The following RORA variants were observed in gnomAD, a reference collection of about 807,000 sequenced individuals.
RORA encodes the protein RAR related orphan receptor A, also known as nuclear receptor ROR-alpha.
A neutral mutation model predicts 69.5 loss-of-function variants in RORA; 7 were observed. The observed-to-expected ratio is 0.10, with a 90% CI of 0.06 to 0.19. RORA has a LOEUF of 0.19. RORA is among the 10% of genes least tolerant of loss of function. The pLI, the probability that RORA is intolerant of heterozygous loss-of-function variation, is 1.00. For missense variants in RORA, 457 were observed against 663.0 expected, an observed-to-expected ratio of 0.69 and a Z score of 3.41; for synonymous variants, 261 against 240.8, an observed-to-expected ratio of 1.08 and a Z score of -0.78.
At chr15:60,855,269 A>C (rs2073367042) in intron 1 of RORA, among the ~76,000 whole-genome samples, 1 of 152,214 alleles carries the variant, frequency 6.6e-6, no homozygotes, top group African/African-American at 2.4e-5. Context: ...GGAGAGACAC[A>C]GCTTAGCAGA....
chr15:61,090,055 C>G (rs2078682918), intron 1 of RORA, among the ~76,000 whole-genome samples: 1 of 152,196 alleles, frequency 6.6e-6, no homozygotes, highest in South Asian at 2.1e-4. Flanking sequence ...AGGGTTTTTG[C>G]CCAGAAGACT....
intron 2 of RORA, among the ~76,000 whole-genome samples, chr15:60,562,290 C>T (rs755410464): frequency 5.9e-5 from 9 of 152,126 alleles, no homozygotes; most frequent in South Asian, 2.1e-4. Context: ...GGCTGGAGTG[C>T]GATGGCACGA....
chr15:60,583,857 G>C (rs184048931), intron 2 of RORA, among the ~76,000 whole-genome samples: 3 of 152,086 alleles, frequency 2.0e-5, no homozygotes, highest in Non-Finnish European at 4.4e-5. Context: ...CCCTTTCCTC[G>C]TGAGTAAGAG....
chr15:60,787,821 A>T (rs1468273487), intron 1 of RORA, among the ~76,000 whole-genome samples: 1 of 152,252 alleles, frequency 6.6e-6, no homozygotes, highest in Non-Finnish European at 1.5e-5. Context: ...CAAACAAGGC[A>T]TTGAGGAAAG....
At chr15:60,723,145 T>C (rs763004910) in intron 1 of RORA, among the ~76,000 whole-genome samples, 2 of 152,244 alleles carry the variant, frequency 1.3e-5, no homozygotes, top group African/African-American at 2.4e-5. Flanking sequence ...ATTTAAATGA[T>C]ACATAGGGAC....
chr15:60,533,434 T>C (rs1409194168), intron 2 of RORA, among the ~76,000 whole-genome samples: 1 of 152,210 alleles, frequency 6.6e-6, no homozygotes, highest in African/African-American at 2.4e-5. Flanking sequence ...AAAGTTGTCA[T>C]TTGCAAGTCT....
chr15:60,651,075 G>T lies in RORA; in HGVS notation c.196+27582C>A, dbSNP rs114024558. ...TGCATATTGTCAGCGGTGGAAAGAG[G>T]AAGAAACTTTTGGAGTAGAATACTG... On this transcript the variant is annotated intron_variant, in intron 2 of 10. Transcript: ENST00000335670. Among the ~76,000 whole-genome samples the T allele has an allele frequency of 6.5e-3, 997 of 152,304 alleles. 9 individuals carry two copies. The highest frequency in any genetic ancestry group is 0.022 in the African/African-American group (912 of 41,574).
At chr15:61,043,447 AC>A (rs1253476387) in intron 1 of RORA, among the ~76,000 whole-genome samples, 1 of 152,232 alleles carries the variant, frequency 6.6e-6, no homozygotes, top group African/African-American at 2.4e-5. Context: ...TAAAAACATA[AC>A]CAAGAAGTGC....
intron 2 of RORA, among the ~76,000 whole-genome samples, chr15:60,577,547 G>A (rs999347043): frequency 1.3e-5 from 2 of 151,688 alleles, no homozygotes; most frequent in Admixed American, 6.6e-5. Flanking sequence ...GGGAGGCTGA[G>A]GCAGGAGAAT....
chr15:60,489,215 A>G lies in RORA; in HGVS notation c.*8240T>C, dbSNP rs1431251028. On this transcript the variant is annotated 3_prime_UTR_variant, in exon 11 of 11. Coordinates refer to ENST00000335670, the MANE Select transcript of RORA (RefSeq NM_134261.3). Reference sequence around the variant, plus strand: ...GCCAATCCACTTTAAAAGGTTAACTACTAGCATTAGCTCTCATTAACCACA... The same window carrying G: ...GCCAATCCACTTTAAAAGGTTAACTGCTAGCATTAGCTCTCATTAACCACA... The G allele has an allele frequency of 6.6e-6, 1 of 152,234 alleles. No homozygotes were observed. Among genetic ancestry groups the G allele is most frequent in the Non-Finnish European group, 1.5e-5 (1 of 68,034 alleles). 9.4% of individuals were successfully genotyped at this position (152,234 alleles called of 1,614,324 possible).
At chr15:61,176,530 T>C (rs1357307529) in intron 1 of RORA, 1 of 152,158 alleles carries the variant, frequency 6.6e-6, no homozygotes, top group Non-Finnish European at 1.5e-5. Flanking sequence ...CAGATTGATC[T>C]TGAACTCCTG....
At position 61,229,130 on chromosome 15, in the gene RORA, G is replaced by A. The variant is rs1278760179; in HGVS notation, c.89C>T (p.Pro30Leu). The change falls in exon 1 of 11, where the codon CCG becomes CTG. Residue 30 changes from proline (P) to leucine (L), a missense_variant. Around this residue, in one of 3 missense-constraint regions of RORA, gnomAD observed 119 missense variants for 92.4 expected, o/e 1.29. Coordinates refer to ENST00000335670, the MANE Select transcript of RORA (RefSeq NM_134261.3). Reference protein sequence around the residue: ...ADAAAGSRETPLNQESARKSE... With the variant: ...ADAAAGSRETLLNQESARKSE... ...CTTGCGGGCGGATTCCTGGTTCAGC[G>A]GGGTCTCCCTGGAGCCGGCGGCCGC... is the stretch of plus-strand genomic sequence containing the variant. The A allele has an allele frequency of 3.9e-6, 6 of 1,542,686 alleles. No individual in the cohort carries two copies. Among genetic ancestry groups the A allele is most frequent in the Non-Finnish European group, 3.5e-6 (4 of 1,144,856 alleles).
At chr15:61,181,095 T>C (rs1201136611) in intron 1 of RORA, among the ~76,000 whole-genome samples, 4 of 144,170 alleles carry the variant, frequency 2.8e-5, no homozygotes, top group Admixed American at 2.8e-4. Flanking sequence ...CAGAGCGAGA[T>C]TCCATCTCAA....
intron 1 of RORA, among the ~76,000 whole-genome samples, chr15:60,768,987 C>T (rs917695504): frequency 6.6e-6 from 1 of 152,150 alleles, no homozygotes; most frequent in Admixed American, 6.5e-5. Flanking sequence ...TTAAAACGTG[C>T]ACAGTGAACA....
intron 2 of RORA, among the ~76,000 whole-genome samples, chr15:60,614,380 T>G (rs2069174547): frequency 6.6e-6 from 1 of 151,950 alleles, no homozygotes; most frequent in East Asian, 1.9e-4. Flanking sequence ...TAAATCGAAA[T>G]AAAAAAATTG....
intron 1 of RORA, among the ~76,000 whole-genome samples, chr15:61,039,789 A>G (rs934372818): frequency 5.3e-5 from 8 of 150,872 alleles, no homozygotes; most frequent in African/African-American, 2.0e-4. Context: ...GATAGTTTGC[A>G]AACTTCAATG....
chr15:60,810,184 T>C (rs189148426), intron 1 of RORA, among the ~76,000 whole-genome samples: 17 of 152,212 alleles, frequency 1.1e-4, no homozygotes, highest in Admixed American at 9.8e-4. Context: ...ACCACACATA[T>C]CTAAAAATGT....
chr15:60,560,647 A>C (rs1188048860), intron 2 of RORA, among the ~76,000 whole-genome samples: 1 of 152,272 alleles, frequency 6.6e-6, no homozygotes, highest in Non-Finnish European at 1.5e-5. Flanking sequence ...TCACGGCTGC[A>C]GTAAGCTGTG....
intron 2 of RORA, among the ~76,000 whole-genome samples, chr15:60,666,942 TAGAATC>T (rs2070390956): frequency 6.6e-6 from 1 of 152,182 alleles, no homozygotes; most frequent in Non-Finnish European, 1.5e-5. Context: ...TCTAAGGAGG[TAGAATC>T]AGAAGATTCT....
Sources: gnomAD v4.1 joint callset for allele counts (sites outside exome capture counted in the v4.1 genomes callset) on GRCh38, gnomAD v4.1.1 for gene constraint, gnomAD v4.1.1 regional missense constraint, MANE v1.5 for transcripts, NCBI Gene and HGNC (gene_info 2026-07-23, HGNC 2026-07-21) for gene names.